Variants in CNBD1 observed in about 807,000 individuals in gnomAD.
The protein encoded by CNBD1 is cyclic nucleotide binding domain containing 1.
In CNBD1, 71 loss-of-function variants were observed where a neutral mutation model predicts 54.4. The ratio of observed to expected loss-of-function variants is 1.30; its 90% CI spans 1.08 to 1.59. The LOEUF (loss-of-function observed/expected upper bound fraction) is 1.59, where lower values mean the gene tolerates loss of function less well. CNBD1 is among the 40% of genes most tolerant of loss of function. CNBD1 has a pLI of 0.00. For synonymous variants in CNBD1, 182 were observed against 170.7 expected, an observed-to-expected ratio of 1.07 and a Z score of -0.51; for missense variants, 659 against 518.0, an observed-to-expected ratio of 1.27 and a Z score of -2.64.
At chr8:87,352,500 A>C (rs920827255) in intron 9 of CNBD1, among the ~76,000 whole-genome samples, 2 of 149,148 alleles carry the variant, frequency 1.3e-5, no homozygotes, top group Non-Finnish European at 3.0e-5. Flanking sequence ...AAAAAAACTT[A>C]TATGAATTCT....
At chr8:87,287,827 T>G (rs904818926) in intron 8 of CNBD1, among the ~76,000 whole-genome samples, 2 of 152,134 alleles carry the variant, frequency 1.3e-5, no homozygotes, top group Admixed American at 6.6e-5. Flanking sequence ...TTCTTCCAAA[T>G]TTCCTTCTAC....
rs140372919 is a variant in CNBD1 at position 87,118,465 on chromosome 8, A to T, written c.432-87528A>T. On this transcript the variant is annotated intron_variant, in intron 4 of 10. Coordinates refer to ENST00000518476, the MANE Select transcript of CNBD1 (RefSeq NM_173538.3). Reference sequence around the variant, plus strand: ...AATATTATTTGAGAAAATTTGAAGGAGTGAACTGTGCTGATAACTGAGAAA... The same window carrying T: ...AATATTATTTGAGAAAATTTGAAGGTGTGAACTGTGCTGATAACTGAGAAA... 8.5e-5 allele frequency among the ~76,000 whole-genome samples: 13 copies of T among 152,224 alleles called. No individual in the cohort carries two copies. The East Asian group carries it at 2.5e-3, about 29-fold the overall frequency.
intron 4 of CNBD1, among the ~76,000 whole-genome samples, chr8:87,169,562 C>T (rs1244731857): frequency 6.6e-6 from 1 of 151,970 alleles, no homozygotes; most frequent in African/African-American, 2.4e-5. Context: ...AAGTCTTCAA[C>T]CTATTTTGAT....
intron 8 of CNBD1, among the ~76,000 whole-genome samples, chr8:87,327,621 T>G (rs1159426876): frequency 6.6e-6 from 1 of 152,216 alleles, no homozygotes; most frequent in Non-Finnish European, 1.5e-5. Context: ...CCTGACCCCT[T>G]GCGCTTCCCA....
At chr8:87,365,569 T>G (rs1019309669) in intron 10 of CNBD1, among the ~76,000 whole-genome samples, 5 of 152,074 alleles carry the variant, frequency 3.3e-5, no homozygotes, top group African/African-American at 1.2e-4. Context: ...ATTTTATATT[T>G]ATTGATTCAA....
chr8:86,921,371 T>C (rs1809268492), intron 3 of CNBD1, among the ~76,000 whole-genome samples: 3 of 152,188 alleles, frequency 2.0e-5, no homozygotes, highest in South Asian at 2.1e-4. Flanking sequence ...CCTATAGTTA[T>C]TGTTTTACCA....
At chr8:86,904,541 G>C (rs1021855698) in intron 2 of CNBD1, among the ~76,000 whole-genome samples, 1 of 152,042 alleles carries the variant, frequency 6.6e-6, no homozygotes, top group African/African-American at 2.4e-5. Flanking sequence ...TACTGTTGGA[G>C]TTTATGATTA....
intron 4 of CNBD1, among the ~76,000 whole-genome samples, chr8:87,121,635 A>G (rs1811892158): frequency 2.6e-5 from 4 of 151,674 alleles, no homozygotes; most frequent in African/African-American, 9.7e-5. Flanking sequence ...AAAGCTTTGT[A>G]CCCTTTGATC....
chr8:87,000,947 C>G (rs541092255), intron 4 of CNBD1, among the ~76,000 whole-genome samples: 1 of 152,102 alleles, frequency 6.6e-6, no homozygotes, highest in South Asian at 2.1e-4. Context: ...TGTTTTTTAT[C>G]TATTGTTTTC....
intron 4 of CNBD1, among the ~76,000 whole-genome samples, chr8:86,952,658 TAAA>T (rs1216171699): frequency 6.6e-6 from 1 of 151,954 alleles, no homozygotes; most frequent in Non-Finnish European, 1.5e-5. Flanking sequence ...TTATATATAA[TAAA>T]AATGTATATT....
intron 4 of CNBD1, among the ~76,000 whole-genome samples, chr8:86,961,562 C>T (rs1807929669): frequency 6.6e-6 from 1 of 152,232 alleles, no homozygotes; most frequent in Non-Finnish European, 1.5e-5. Flanking sequence ...GAACCTCTGC[C>T]AAGGGCATCC....
At chr8:87,085,046 C>T (rs1811070365) in intron 4 of CNBD1, among the ~76,000 whole-genome samples, 1 of 151,966 alleles carries the variant, frequency 6.6e-6, no homozygotes, top group African/African-American at 2.4e-5. Context: ...TACTTTGATT[C>T]CTTTAGTTAT....
chr8:87,347,913 TA>T (rs1810208142), intron 8 of CNBD1, among the ~76,000 whole-genome samples: 1 of 152,240 alleles, frequency 6.6e-6, no homozygotes, highest in South Asian at 2.1e-4. Flanking sequence ...ACTAATTCTA[TA>T]AATATATTAT....
intron 5 of CNBD1, among the ~76,000 whole-genome samples, chr8:87,221,756 C>A (rs1408598895): frequency 6.6e-6 from 1 of 152,072 alleles, no homozygotes; most frequent in Non-Finnish European, 1.5e-5. Context: ...TCAATAGACG[C>A]TCTGAGCTCA....
intron 2 of CNBD1, among the ~76,000 whole-genome samples, chr8:87,421,610 A>T (rs1284812165): frequency 3.3e-5 from 5 of 151,938 alleles, no homozygotes; most frequent in Non-Finnish European, 5.9e-5. Context: ...TGAACTCATC[A>T]TTTTTATGGC....
At chr8:87,078,828 A>G (rs1810928316) in intron 4 of CNBD1, among the ~76,000 whole-genome samples, 1 of 152,202 alleles carries the variant, frequency 6.6e-6, no homozygotes, top group South Asian at 2.1e-4. Context: ...GTCAAATAAT[A>G]TGGTCTATAG....
rs780191245 is a variant in CNBD1, at chr8:87,286,532, G to A, written c.910-7G>A. On this transcript the variant is annotated splice_region_variant and splice_polypyrimidine_tract_variant and intron_variant, in intron 7 of 10. Transcript: ENST00000518476. ...ATTAAAAATTTGATAATGACATTCT[G>A]TTTTAGGAAAAAATAAAACTTGAAA... The A allele has an allele frequency of 7.2e-7, 1 of 1,387,696 alleles. No homozygotes were observed. Among genetic ancestry groups the A allele is most frequent in the East Asian group, 2.4e-5 (1 of 41,156 alleles). 86.0% of individuals were successfully genotyped at this position (1,387,696 alleles called of 1,614,324 possible).
intron 5 of CNBD1, among the ~76,000 whole-genome samples, chr8:87,230,429 A>G (rs1307946817): frequency 6.6e-6 from 1 of 152,220 alleles, no homozygotes; most frequent in African/African-American, 2.4e-5. Flanking sequence ...CATTTTATAC[A>G]TACACATCAC....
chr8:86,961,942 A>G (rs1464452238), intron 4 of CNBD1, among the ~76,000 whole-genome samples: 1 of 149,524 alleles, frequency 6.7e-6, no homozygotes, highest in African/African-American at 2.5e-5. Flanking sequence ...CCAATCTCCT[A>G]TTTGCATTGC....
Sources: gnomAD v4.1 joint callset for allele counts (sites outside exome capture counted in the v4.1 genomes callset) on GRCh38, gnomAD v4.1.1 for gene constraint, MANE v1.5 for transcripts, NCBI Gene and HGNC (gene_info 2026-07-23, HGNC 2026-07-21) for gene names.